Variants in ARFGAP1 observed in about 807,000 individuals in gnomAD.
ARFGAP1 encodes ARF GTPase activating protein 1.
Under a neutral mutation model 54.0 loss-of-function variants are expected in ARFGAP1, and 26 were observed. The observed-to-expected ratio is 0.48, with a 90% confidence interval of 0.35 to 0.67. ARFGAP1 has a LOEUF of 0.67. Among genes scored for constraint, ARFGAP1 ranks in the 30% least tolerant of loss-of-function variants. The pLI is 0.00. For missense variants in ARFGAP1, 525 were observed against 535.8 expected (o/e 0.98, Z 0.20); for synonymous variants, 248 against 211.9 (o/e 1.17, Z -1.48).
chr20:63,287,498 G>A (rs2067589699), intron 12 of ARFGAP1, 66 bp from the exon 13 acceptor site: 25 of 1,458,700 alleles, frequency 1.7e-5, no homozygotes, highest in Non-Finnish European at 2.1e-5. Context: ...GCTCTCGGGG[G>A]CACAGAATTC....
intron 2 of ARFGAP1, 105 bp downstream of exon 2, chr20:63,275,745 T>C (rs2067219852): frequency 8.6e-7 from 1 of 1,160,452 alleles, no homozygotes; most frequent in Non-Finnish European, 1.3e-6. Context: ...CTGCAGTGGA[T>C]GGTGGTTGGC....
intron 9 of ARFGAP1, chr20:63,284,598 G>A (rs570251706): frequency 9.8e-6 from 13 of 1,324,678 alleles, no homozygotes; most frequent in East Asian, 6.6e-5. Flanking sequence ...CGGCAGGGCC[G>A]CATGGTGGCG....
rs548462579 is a variant in ARFGAP1, at chr20:63,288,418, G to C, written c.*545G>C. The C allele has an allele frequency of 6.6e-6, 3 of 456,182 alleles. No homozygotes were observed. Among genetic ancestry groups the C allele is most frequent in the Non-Finnish European group, 1.3e-5 (3 of 226,856 alleles). The allele number at this position is 456,182 out of a possible 1,614,324, so 28.3% of individuals were successfully genotyped here. The stretch of plus-strand genomic sequence containing the variant: ...ACCCTCGGCTCCCGAGTCCACGCCT[G>C]CCTGGGCCTGTGCTGTCAGACCCGC... On this transcript the variant is annotated 3_prime_UTR_variant, in exon 13 of 13. Transcript: ENST00000370283.
rs970545257 is a variant in ARFGAP1, at chr20:63,289,486, A to C, written c.*1613A>C. 6.6e-6 allele frequency: 1 copy of C among 152,348 alleles called. No homozygotes were observed. Among genetic ancestry groups the C allele is most frequent in the African/African-American group, 2.4e-5 (1 of 41,460 alleles). 9.4% of individuals were successfully genotyped at this position (152,348 alleles called of 1,614,324 possible). A position where few individuals can be genotyped will look rare whatever the true frequency, so the allele number is the denominator to read the frequency against. On this transcript the variant is annotated 3_prime_UTR_variant, in exon 13 of 13. Coordinates refer to ENST00000370283, the MANE Select transcript of ARFGAP1 (RefSeq NM_018209.4). The stretch of plus-strand genomic sequence containing the variant: ...CACGCCAGCACCTTGACTTGGCAGC[A>C]TGGAGCCAAGGTCTGTCCCCGCCCA...
Position 63,288,831 on chromosome 20 carries a change from G to T in ARFGAP1, c.*958G>T. On this transcript the variant is annotated 3_prime_UTR_variant, in exon 13 of 13. Coordinates refer to ENST00000370283, the MANE Select transcript of ARFGAP1 (RefSeq NM_018209.4). Reference sequence around the variant, plus strand: ...CTGCCACGTGTGACTCGTCTCCCTTGTCTGCCCTGTGTGACCCTCAGTCTT... The same window carrying T: ...CTGCCACGTGTGACTCGTCTCCCTTTTCTGCCCTGTGTGACCCTCAGTCTT... 3.1e-6 allele frequency: 1 copy of T among 320,920 alleles called. No homozygotes were observed. Among genetic ancestry groups the T allele is most frequent in the Non-Finnish European group, 6.2e-6 (1 of 161,024 alleles). The allele number at this position is 320,920 out of a possible 1,614,324, so 19.9% of individuals were successfully genotyped here.
rs748823237 is a variant in ARFGAP1 at position 63,282,856 on chromosome 20, C to T, written c.717+5C>T. Reference sequence around the variant, plus strand: ...GGATCCCAAGCGAGTCAGAAGGTAACAGAGGAGAAGCTTCTGCACCCTGGT... The same window carrying T: ...GGATCCCAAGCGAGTCAGAAGGTAATAGAGGAGAAGCTTCTGCACCCTGGT... On this transcript the variant is annotated splice_donor_5th_base_variant and intron_variant, in intron 9 of 12. Transcript: ENST00000370283. 6.2e-7 allele frequency: 1 copy of T among 1,614,030 alleles called. No individual in the cohort carries two copies. The highest frequency in any genetic ancestry group is 1.7e-5 in the Admixed American group (1 of 60,032).
chr20:63,284,593 G>A, intron 9 of ARFGAP1: 1 of 1,320,690 alleles, frequency 7.6e-7, no homozygotes, highest in Non-Finnish European at 9.8e-7. Flanking sequence ...CGGCCCGGCA[G>A]GGCCGCATGG....
At chr20:63,275,829 G>T (rs148461342) in intron 2 of ARFGAP1, among the ~76,000 whole-genome samples, 189 bp downstream of exon 2, 2 of 152,298 alleles carry the variant, frequency 1.3e-5, no homozygotes, top group Non-Finnish European at 2.9e-5. Flanking sequence ...GCCATTTCTG[G>T]CGCTCATCAG....
chr20:63,287,931 CTCG>C lies in ARFGAP1; in HGVS notation c.*63_*65del. 1.4e-6 allele frequency: 2 copies of C among 1,434,576 alleles called. No individual in the cohort carries two copies. The highest frequency in any genetic ancestry group is 1.8e-6 in the Non-Finnish European group (2 of 1,089,168). The allele number at this position is 1,434,576 out of a possible 1,614,324, so 88.9% of individuals were successfully genotyped here. ...GGCGACTTCGTGTTTGCACTCTGCC[CTCG>C]TCGTTCCTCCTCCTTCCATTTGACC... On this transcript the variant is annotated 3_prime_UTR_variant, in exon 13 of 13. Coordinates refer to ENST00000370283, the MANE Select transcript of ARFGAP1 (RefSeq NM_018209.4).
intron 1 of ARFGAP1, among the ~76,000 whole-genome samples, 200 bp from the exon 2 acceptor site, chr20:63,275,377 G>A (rs2067209067): frequency 6.6e-6 from 1 of 152,202 alleles, no homozygotes; most frequent in Admixed American, 6.5e-5. Context: ...GGAGCCTCCT[G>A]GGGGTATGGG....
intron 9 of ARFGAP1, chr20:63,284,651 G>A (rs1190493181): frequency 7.1e-7 from 1 of 1,401,120 alleles, no homozygotes; most frequent in African/African-American, 1.5e-5. Flanking sequence ...GCAAGAATTG[G>A]TGGGGGCCGC....
Position 63,278,197 on chromosome 20 carries a change from A to G in ARFGAP1, c.524A>G (p.Tyr175Cys), listed in dbSNP as rs752737317. 8 of 1,613,002 alleles carry G rather than the reference A, an allele frequency of 5.0e-6. No homozygotes were observed. The highest frequency in any genetic ancestry group is 6.8e-6 in the Non-Finnish European group (8 of 1,179,770). Reference protein sequence around the residue: ...EDWLNDDLGSYQGAQGNRYVG... With the variant: ...EDWLNDDLGSCQGAQGNRYVG... Reference sequence around the variant, plus strand: ...TGGCTGAATGATGACCTCGGCTCCTATCAAGGGTAAGGACTTGAGAGCTGG... The same window carrying G: ...TGGCTGAATGATGACCTCGGCTCCTGTCAAGGGTAAGGACTTGAGAGCTGG... Residue 175 changes from tyrosine (Y) to cysteine (C), a missense_variant, in exon 6 of 13, where the codon TAT (tyrosine) becomes TGT (cysteine). Transcript: ENST00000370283.
intron 8 of ARFGAP1, among the ~76,000 whole-genome samples, chr20:63,282,487 C>T (rs946827480): frequency 3.3e-5 from 5 of 152,252 alleles, no homozygotes; most frequent in East Asian, 3.8e-4. Flanking sequence ...TTCCCCAGCC[C>T]GTCTTCTGCT....
At chr20:63,280,074 G>A (rs1380339376) in intron 7 of ARFGAP1, among the ~76,000 whole-genome samples, 4 of 152,168 alleles carry the variant, frequency 2.6e-5, no homozygotes, top group African/African-American at 7.2e-5. Context: ...CCCGGGAGGC[G>A]GAGGTTGCAG....
chr20:63,287,521 T>C, intron 12 of ARFGAP1, 43 bp from the exon 13 acceptor site: 1 of 1,519,550 alleles, frequency 6.6e-7, no homozygotes, highest in Non-Finnish European at 8.9e-7. Flanking sequence ...AGTGGTGGAC[T>C]GAGTAACAGT....
chr20:63,279,055 G>A (rs1197149526), intron 7 of ARFGAP1, 60 bp downstream of exon 7: 5 of 1,509,612 alleles, frequency 3.3e-6, no homozygotes, highest in South Asian at 1.1e-5. Flanking sequence ...AGGGCACGAC[G>A]GGCCATAGTG....
At chr20:63,279,440 A>T (rs1388982664) in intron 7 of ARFGAP1, 1 of 336,856 alleles carries the variant, frequency 3.0e-6, no homozygotes, top group Non-Finnish European at 5.7e-6. Context: ...TCCTGACTTC[A>T]GGTGATCTGT....
At position 63,276,702 on chromosome 20, in the gene ARFGAP1, G is replaced by A. The variant is rs147651218; in HGVS notation, c.342+51G>A. 1.3e-3 allele frequency: 1,970 copies of A among 1,542,232 alleles called. 16 individuals are homozygous for A. The East Asian group carries it at 0.013, about 10-fold the overall frequency. ...GCCCATGGTGTGGGGCTGCCCTGCC[G>A]TTTGTGGCAGCTGGACTGTGGCCTT... On this transcript the variant is annotated intron_variant, in intron 4 of 12. Coordinates refer to ENST00000370283, the MANE Select transcript of ARFGAP1 (RefSeq NM_018209.4). This position sits in a 1 kb window ranked among gnomAD's most constrained non-coding sequence, Gnocchi z 5.2.
Position 63,288,189 on chromosome 20 carries a change from G to A in ARFGAP1, c.*316G>A, listed in dbSNP as rs1180920769. ...GGCTGCAGCACAGAGGCCTGTGACT[G>A]CGTTCCAGCGGCCAGTTCACTACGC... is the stretch of plus-strand genomic sequence containing the variant. On this transcript the variant is annotated 3_prime_UTR_variant, in exon 13 of 13. Transcript: ENST00000370283. 9 of 570,862 alleles carry A rather than the reference G, an allele frequency of 1.6e-5. No individual in the cohort carries two copies. The highest frequency in any genetic ancestry group is 1.4e-4 in the East Asian group (4 of 29,292). 35.4% of individuals were successfully genotyped at this position (570,862 alleles called of 1,614,324 possible). A position where few individuals can be genotyped will look rare whatever the true frequency, so the allele number is the denominator to read the frequency against.
Sources: gnomAD v4.1 joint callset for allele counts (sites outside exome capture counted in the v4.1 genomes callset) on GRCh38, gnomAD v4.1.1 for gene constraint, Gnocchi (gnomAD v3.1) non-coding constraint, MANE v1.5 for transcripts, NCBI Gene and HGNC (gene_info 2026-07-23, HGNC 2026-07-21) for gene names.